MED12L: variants seen among roughly 807,000 people sequenced by gnomAD.
MED12L encodes the protein mediator complex subunit 12L.
MED12L carries 60 observed loss-of-function variants against 281.3 expected under a neutral mutation model. The ratio of observed to expected loss-of-function variants is 0.21; its 90% confidence interval spans 0.17 to 0.26. The LOEUF (loss-of-function observed/expected upper bound fraction) is 0.26, where lower values mean the gene tolerates loss of function less well. Ranked by LOEUF, MED12L falls within the 10% of genes least tolerant of loss-of-function variation. The pLI is 1.00. For synonymous variants in MED12L, 974 were observed against 987.2 expected (o/e 0.99, Z 0.25); for missense variants, 2,146 against 2,680.9 (o/e 0.80, Z 4.41).
rs763009803 is a variant in MED12L, at chr3:151,355,253, G to C, written c.2517+14G>C. 1 of 1,567,758 alleles carries C rather than the reference G, an allele frequency of 6.4e-7. No homozygotes were observed. The highest frequency in any genetic ancestry group is 1.1e-5 in the South Asian group (1 of 88,634). On this transcript the variant is annotated intron_variant, in intron 18 of 44. Transcript: ENST00000687756. Reference sequence around the variant, plus strand: ...GTGACATCTCAGGTAGCTATTTAAAGCTGTTTATTATGCATTTGCAGTATT... The same window carrying C: ...GTGACATCTCAGGTAGCTATTTAAACCTGTTTATTATGCATTTGCAGTATT...
intron 39 of MED12L, among the ~76,000 whole-genome samples, chr3:151,402,726 G>A (rs1032954668): frequency 3.3e-5 from 5 of 152,166 alleles, no homozygotes; most frequent in African/African-American, 1.2e-4. Flanking sequence ...TCACCATATT[G>A]TTTATCAGTG....
At chr3:151,416,048 A>C (rs1451859273) in intron 42 of MED12L, among the ~76,000 whole-genome samples, 1 of 152,192 alleles carries the variant, frequency 6.6e-6, no homozygotes, top group Admixed American at 6.5e-5. Flanking sequence ...CGGACAGCGC[A>C]GTGTGGAATA....
intron 5 of MED12L, among the ~76,000 whole-genome samples, chr3:151,151,098 G>A (rs1400175801): frequency 7.4e-6 from 1 of 134,572 alleles, no homozygotes. Context: ...GTGCAGTGGC[G>A]CCATCTGGGC....
chr3:151,401,718 A>G (rs1715705905), intron 39 of MED12L, among the ~76,000 whole-genome samples: 1 of 152,240 alleles, frequency 6.6e-6, no homozygotes, highest in Non-Finnish European at 1.5e-5. Flanking sequence ...GTGTTTATTC[A>G]GAGGGTGTAA....
At chr3:151,218,670 CA>C (rs1476530850) in intron 16 of MED12L, among the ~76,000 whole-genome samples, 4 of 151,544 alleles carry the variant, frequency 2.6e-5, no homozygotes. Context: ...AGATTGAGAC[CA>C]GCCTGGCCAA....
chr3:151,389,998 T>A lies in MED12L; in HGVS notation c.5471T>A (p.Ile1824Lys). ...SRVDEYPQSN[I>K]YRVPPNYSPI... ...TTGAAGGAATATCCACAGAGCAACA[T>A]ATACCGAGTGCCTCCTAATTACTCG... The change falls in exon 38 of 45, where the codon ATA becomes AAA. Residue 1824 changes from isoleucine (I) to lysine (K), a missense_variant. Ile to Lys is a moderately radical substitution (Grantham distance 102). Transcript: ENST00000687756. The A allele has an allele frequency of 6.2e-7, 1 of 1,614,138 alleles. No individual in the cohort carries two copies. Among genetic ancestry groups the A allele is most frequent in the South Asian group, 1.1e-5 (1 of 91,086 alleles).
chr3:151,276,332 CCAAA>C (rs1282115842), intron 16 of MED12L, among the ~76,000 whole-genome samples: 1 of 152,208 alleles, frequency 6.6e-6, no homozygotes, highest in African/African-American at 2.4e-5. Flanking sequence ...ACTGCTCTAT[CCAAA>C]CAAACTTGGC....
intron 16 of MED12L, among the ~76,000 whole-genome samples, chr3:151,231,684 G>T (rs1041333557): frequency 1.3e-5 from 2 of 152,194 alleles, no homozygotes; most frequent in African/African-American, 4.8e-5. Flanking sequence ...TTAATGAGTG[G>T]TGATTGTTGG....
chr3:151,208,344 C>T (rs542742627), intron 16 of MED12L, among the ~76,000 whole-genome samples: 3 of 152,286 alleles, frequency 2.0e-5, no homozygotes, highest in Non-Finnish European at 4.4e-5. Context: ...ACATAACTAA[C>T]AGCTTGAAAA....
Position 151,305,424 on chromosome 3 carries a change from G to A in MED12L, c.2251-44635G>A, listed in dbSNP as rs866700270. ...ATTTTACTAACCATGTTTCTTTGTTGTTGGTTGTAAAATGAGGTTGGTGGA... is the reference window on the plus strand; with the variant it reads ...ATTTTACTAACCATGTTTCTTTGTTATTGGTTGTAAAATGAGGTTGGTGGA... On this transcript the variant is annotated intron_variant, in intron 16 of 44. Coordinates refer to ENST00000687756, the MANE Select transcript of MED12L (RefSeq NM_001393769.1). 2.6e-5 allele frequency among the ~76,000 whole-genome samples: 4 copies of A among 152,178 alleles called. No individual in the cohort carries two copies. In the South Asian group the frequency reaches 8.3e-4, roughly 32 times the overall value.
intron 38 of MED12L, among the ~76,000 whole-genome samples, chr3:151,393,606 A>AG (rs565933505): frequency 2.0e-5 from 3 of 151,342 alleles, no homozygotes; most frequent in Non-Finnish European, 2.9e-5. Flanking sequence ...GAGACCTCCT[A>AG]GGGAGGTATA....
intron 17 of MED12L, among the ~76,000 whole-genome samples, chr3:151,353,902 G>A (rs1753564811): frequency 6.6e-6 from 1 of 151,950 alleles, no homozygotes; most frequent in Non-Finnish European, 1.5e-5. Flanking sequence ...AGCACTTTGG[G>A]AGGCCGAGGC....
At chr3:151,093,470 C>T (rs1419150521) in intron 2 of MED12L, among the ~76,000 whole-genome samples, 1 of 152,214 alleles carries the variant, frequency 6.6e-6, no homozygotes, top group African/African-American at 2.4e-5. Context: ...CTGTAGAGAG[C>T]ATTGTGAACT....
intron 16 of MED12L, among the ~76,000 whole-genome samples, chr3:151,323,385 G>A (rs1473664747): frequency 2.0e-5 from 3 of 152,194 alleles, no homozygotes; most frequent in South Asian, 4.1e-4. Flanking sequence ...AACCTTCAAC[G>A]ACTCATTAGT....
chr3:151,351,237 C>G (rs904476461), intron 17 of MED12L, among the ~76,000 whole-genome samples: 2 of 152,188 alleles, frequency 1.3e-5, no homozygotes, highest in African/African-American at 4.8e-5. Flanking sequence ...AAGATAGGTT[C>G]TCTTTCTTCC....
intron 16 of MED12L, among the ~76,000 whole-genome samples, chr3:151,344,637 G>C (rs1388135184): frequency 6.6e-6 from 1 of 152,142 alleles, no homozygotes; most frequent in African/African-American, 2.4e-5. Flanking sequence ...TTGAAGTAGA[G>C]CATGCAAAAA....
At chr3:151,255,499 A>G (rs988710693) in intron 16 of MED12L, among the ~76,000 whole-genome samples, 7 of 152,054 alleles carry the variant, frequency 4.6e-5, no homozygotes, top group East Asian at 3.9e-4. Context: ...ATGCCCACCA[A>G]CTTTGGTTCT....
intron 2 of MED12L, among the ~76,000 whole-genome samples, chr3:151,106,288 CT>C (rs1722023806): frequency 9.9e-6 from 1 of 100,978 alleles, no homozygotes; most frequent in Non-Finnish European, 1.9e-5. Context: ...TTTCCTTTTC[CT>C]TTTCCTTTTC....
intron 2 of MED12L, among the ~76,000 whole-genome samples, chr3:151,094,347 T>C (rs943916938): frequency 6.6e-6 from 1 of 152,124 alleles, no homozygotes; most frequent in East Asian, 1.9e-4. Context: ...TGATGAAAGA[T>C]GTTAAAATGT....
Sources: gnomAD v4.1 joint callset for allele counts (sites outside exome capture counted in the v4.1 genomes callset) on GRCh38, gnomAD v4.1.1 for gene constraint, MANE v1.5 for transcripts, NCBI Gene and HGNC (gene_info 2026-07-23, HGNC 2026-07-21) for gene names.